Variants in FBN2 observed in about 807,000 individuals in gnomAD.
FBN2 encodes fibrillin 2, also known as fibrillin-2.
FBN2 carries 105 observed loss-of-function variants against 355.6 expected under a neutral mutation model. The observed-to-expected ratio is 0.30, with a 90% CI of 0.25 to 0.35. FBN2 has a LOEUF of 0.35. FBN2 is among the 10% of genes least tolerant of loss of function. The pLI, the probability that FBN2 is intolerant of heterozygous loss-of-function variation, is 1.00. For synonymous variants in FBN2, 1,350 were observed against 1,301.2 expected (o/e 1.04, Z -0.81); for missense variants, 3,280 against 3,758.7 (o/e 0.87, Z 3.33).
At chr5:128,285,482 T>C (rs746968940) in intron 55 of FBN2, among the ~76,000 whole-genome samples, 10 of 152,216 alleles carry the variant, frequency 6.6e-5, no homozygotes, top group Non-Finnish European at 2.9e-5. Flanking sequence ...TTTGTAGTGC[T>C]GTTTAACAAC....
chr5:128,448,839 C>T (rs1013393473), intron 6 of FBN2, among the ~76,000 whole-genome samples: 14 of 151,958 alleles, frequency 9.2e-5, no homozygotes, highest in South Asian at 2.1e-4. Context: ...TTGGAATTGT[C>T]GTCCTCTTAC....
Position 128,335,621 on chromosome 5 carries a change from TA to T in FBN2, c.3725-45del, listed in dbSNP as rs757405664. ...AACCACATTGTCAGGTCTGCTTCCT[TA>T]AAAGGAGTTTTCTTCTTTTTAAACA... On this transcript the variant is annotated intron_variant, in intron 28 of 64. Transcript: ENST00000262464. 40 of 1,612,360 alleles carry T rather than the reference TA, an allele frequency of 2.5e-5. 1 individual carries two copies. The South Asian group carries it at 4.3e-4, about 17-fold the overall frequency.
chr5:128,412,787 A>G (rs1003177858), intron 7 of FBN2, among the ~76,000 whole-genome samples: 1 of 152,250 alleles, frequency 6.6e-6, no homozygotes. Context: ...TTTAAACAAA[A>G]GAATTACATA....
At chr5:128,319,510 GT>G (rs1750310202) in intron 34 of FBN2, among the ~76,000 whole-genome samples, 1 of 142,158 alleles carries the variant, frequency 7.0e-6, no homozygotes, top group African/African-American at 2.6e-5. Context: ...AGTTAATTTA[GT>G]TAATTAAATA....
At position 128,385,877 on chromosome 5, in the gene FBN2, T is replaced by A. The variant is rs368293953; in HGVS notation, c.1603+6141A>T. ...CTGCTCATGTCCTTTACCCATTATT[T>A]AATGAGATTTTTTTTTTGCTTGTTA... On this transcript the variant is annotated intron_variant, in intron 11 of 64. Transcript: ENST00000262464. Among the ~76,000 whole-genome samples, 5 of 152,284 alleles carry A rather than the reference T, an allele frequency of 3.3e-5. No individual in the cohort carries two copies. The South Asian group carries it at 1.0e-3, about 32-fold the overall frequency.
chr5:128,280,123 C>T, intron 56 of FBN2, 69 bp downstream of exon 56: 5 of 1,266,734 alleles, frequency 3.9e-6, no homozygotes, highest in Non-Finnish European at 4.6e-6. Context: ...ATATGTGGAG[C>T]TCTTCTGTGA....
At chr5:128,326,186 A>G (rs1234092548) in intron 34 of FBN2, among the ~76,000 whole-genome samples, 1 of 152,170 alleles carries the variant, frequency 6.6e-6, no homozygotes, top group South Asian at 2.1e-4. Context: ...TACAGTTTAA[A>G]TAACATCTCT....
At chr5:128,294,894 ACATGAC>A (rs1337286082) in intron 48 of FBN2, among the ~76,000 whole-genome samples, 1 of 58,968 alleles carries the variant, frequency 1.7e-5, no homozygotes, top group Non-Finnish European at 3.1e-5. Flanking sequence ...GGTGTTTTGG[ACATGAC>A]GTCCTTGCCC....
chr5:128,481,657 G>A (rs1755192101), intron 5 of FBN2, among the ~76,000 whole-genome samples: 1 of 152,116 alleles, frequency 6.6e-6, no homozygotes, highest in Admixed American at 6.6e-5. Context: ...GGTTGAGTAT[G>A]TGTCTCTGTT....
intron 55 of FBN2, among the ~76,000 whole-genome samples, chr5:128,281,395 C>T (rs1765540690): frequency 1.3e-5 from 2 of 152,232 alleles, no homozygotes; most frequent in African/African-American, 4.8e-5. Flanking sequence ...ACAACTTCAA[C>T]ACACATTCTT....
At chr5:128,291,957 A>T (rs1581192576) in intron 48 of FBN2, among the ~76,000 whole-genome samples, 1 of 152,056 alleles carries the variant, frequency 6.6e-6, no homozygotes, top group African/African-American at 2.4e-5. Context: ...TGCAGGCTCC[A>T]TGTGGCCAAA....
At position 128,307,217 on chromosome 5, in the gene FBN2, A is replaced by G. The variant is rs756825167; in HGVS notation, c.5354-14T>C. The G allele has an allele frequency of 2.2e-5, 33 of 1,474,944 alleles. No homozygotes were observed. Among genetic ancestry groups the G allele is most frequent in the Non-Finnish European group, 3.0e-5 (32 of 1,053,548 alleles). The allele number at this position is 1,474,944 out of a possible 1,614,324, so 91.4% of individuals were successfully genotyped here. On this transcript the variant is annotated splice_polypyrimidine_tract_variant and intron_variant, in intron 41 of 64. Transcript: ENST00000262464. ...TTTTAAAGTCAGCTTTAAAATATAA[A>G]CAAAGCAATGCACTCTTAAATTTCT... is the stretch of plus-strand genomic sequence containing the variant.
At chr5:128,421,736 G>C (rs1753354762) in intron 7 of FBN2, among the ~76,000 whole-genome samples, 1 of 152,152 alleles carries the variant, frequency 6.6e-6, no homozygotes, top group Non-Finnish European at 1.5e-5. Context: ...TGAAGATAAA[G>C]AAAAGGTAAA....
At chr5:128,492,255 A>T (rs1232231209) in intron 5 of FBN2, among the ~76,000 whole-genome samples, 1 of 152,188 alleles carries the variant, frequency 6.6e-6, no homozygotes, top group Non-Finnish European at 1.5e-5. Context: ...CTATAACCCA[A>T]GATAATCCTC....
chr5:128,449,529 C>T (rs184438048), intron 6 of FBN2, among the ~76,000 whole-genome samples: 70 of 148,984 alleles, frequency 4.7e-4, no homozygotes, highest in African/African-American at 1.2e-3. Context: ...AAGTTAAATA[C>T]GTATAAACAC....
chr5:128,358,374 T>C (rs1751557142), intron 19 of FBN2, among the ~76,000 whole-genome samples: 1 of 152,126 alleles, frequency 6.6e-6, no homozygotes, highest in Non-Finnish European at 1.5e-5. Flanking sequence ...TATTGAACAC[T>C]GGGGTTTCTA....
Position 128,311,334 on chromosome 5 carries a change from G to A in FBN2, c.5040C>T (p.Gly1680=), listed in dbSNP as rs1048263259. The A allele has an allele frequency of 2.5e-6, 4 of 1,613,992 alleles. No homozygotes were observed. The highest frequency in any genetic ancestry group is 1.1e-5 in the South Asian group (1 of 91,090). ...FGSFQCECPQ[G]YYLSEDTRIC... Reference sequence around the variant, plus strand: ...TGCGGGTATCCTCGCTGAGGTAGTAGCCTTGTGGGCACTCACACTGGAAGC... The same window carrying A: ...TGCGGGTATCCTCGCTGAGGTAGTAACCTTGTGGGCACTCACACTGGAAGC... Residue 1680 remains glycine (G), a synonymous_variant, in exon 39 of 65, where the codon GGC becomes GGT. Coordinates refer to ENST00000262464, the MANE Select transcript of FBN2 (RefSeq NM_001999.4).
chr5:128,503,086 C>T (rs1755859934), intron 5 of FBN2, among the ~76,000 whole-genome samples: 1 of 152,114 alleles, frequency 6.6e-6, no homozygotes, highest in Non-Finnish European at 1.5e-5. Flanking sequence ...GACAGTTTCC[C>T]CCATACTGTT....
intron 7 of FBN2, chr5:128,442,248 C>A (rs941766804): frequency 1.3e-5 from 6 of 450,392 alleles, no homozygotes; most frequent in African/African-American, 1.0e-4. Flanking sequence ...CAATGATGTT[C>A]TTTTTCTGCC....
Sources: gnomAD v4.1 joint callset for allele counts (sites outside exome capture counted in the v4.1 genomes callset) on GRCh38, gnomAD v4.1.1 for gene constraint, MANE v1.5 for transcripts, NCBI Gene and HGNC (gene_info 2026-07-23, HGNC 2026-07-21) for gene names.